The following FRMD4A variants were observed in gnomAD, a reference collection of about 807,000 sequenced individuals.
FRMD4A encodes FERM domain-containing protein 4A.
In FRMD4A, 29 loss-of-function variants were observed where a neutral mutation model predicts 129.1. That is an observed-to-expected ratio of 0.22 (90% CI 0.17 to 0.31). FRMD4A has a LOEUF of 0.31. Ranked by LOEUF, FRMD4A falls within the 10% of genes least tolerant of loss-of-function variation. The pLI, the probability that FRMD4A is intolerant of heterozygous loss-of-function variation, is 1.00. For missense variants in FRMD4A, 1,272 were observed against 1,375.8 expected (o/e 0.92, Z 1.19); for synonymous variants, 634 against 571.6 (o/e 1.11, Z -1.56).
intron 3 of FRMD4A, among the ~76,000 whole-genome samples, chr10:13,817,540 C>A (rs1285448806): frequency 6.6e-6 from 1 of 152,140 alleles, no homozygotes; most frequent in Non-Finnish European, 1.5e-5. Flanking sequence ...GTGTCAAGGG[C>A]GAGGCCAGGT....
chr10:14,202,245 T>C (rs951268666), intron 2 of FRMD4A, among the ~76,000 whole-genome samples: 17 of 152,130 alleles, frequency 1.1e-4, no homozygotes, highest in Non-Finnish European at 4.4e-5. Context: ...GGCAGAAGCC[T>C]TCCTGTCTGT....
intron 2 of FRMD4A, among the ~76,000 whole-genome samples, chr10:14,231,619 T>C (rs1843643506): frequency 6.6e-6 from 1 of 152,234 alleles, no homozygotes; most frequent in Admixed American, 6.5e-5. Context: ...GTGCTGGGAT[T>C]ACAGGCGTGA....
At chr10:13,749,499 C>T (rs1178620776) in intron 8 of FRMD4A, among the ~76,000 whole-genome samples, 1 of 152,140 alleles carries the variant, frequency 6.6e-6, no homozygotes, top group East Asian at 1.9e-4. Flanking sequence ...CTGGAGGATG[C>T]ATTGTTCCCT....
chr10:13,737,879 G>T lies in FRMD4A; in HGVS notation c.724C>A (p.Gln242Lys). 6.2e-7 allele frequency: 1 copy of T among 1,607,824 alleles called. No homozygotes were observed. The highest frequency in any genetic ancestry group is 8.5e-7 in the Non-Finnish European group (1 of 1,174,522). ...WLGLSYKGIF[Q>K]YDYHDKVKPR... The stretch of plus-strand genomic sequence containing the variant: ...TTCACTTTATCATGGTAGTCATACT[G>T]GAAGATCCCTTTGTAGCTCAGGCCC... The change falls in exon 12 of 25, where the codon CAG becomes AAG. Residue 242 changes from glutamine to lysine, a missense_variant. By Grantham distance (53) the Gln-to-Lys change is moderately conservative (BLOSUM62 1). This residue lies in a region of FRMD4A where 300 missense variants were observed against 483.6 expected (regional missense o/e 0.62). Coordinates refer to ENST00000357447, the MANE Select transcript of FRMD4A (RefSeq NM_018027.5).
intron 2 of FRMD4A, among the ~76,000 whole-genome samples, chr10:14,004,077 A>G (rs898010237): frequency 1.3e-5 from 2 of 152,246 alleles, no homozygotes; most frequent in Non-Finnish European, 2.9e-5. Flanking sequence ...ACGTGTAGTC[A>G]GTTAGAAAAA....
intron 2 of FRMD4A, among the ~76,000 whole-genome samples, chr10:13,887,430 C>T (rs1475917364): frequency 6.6e-6 from 1 of 152,152 alleles, no homozygotes; most frequent in Non-Finnish European, 1.5e-5. Context: ...CCTGTAATCC[C>T]AGCACTTTGG....
chr10:13,941,750 G>C (rs188025379), intron 2 of FRMD4A, among the ~76,000 whole-genome samples: 71 of 152,138 alleles, frequency 4.7e-4, no homozygotes, highest in Non-Finnish European at 6.5e-4. Flanking sequence ...GCTAAACAAG[G>C]CTCCTAAAAA....
chr10:13,898,126 A>T (rs2094779448), intron 2 of FRMD4A, among the ~76,000 whole-genome samples: 1 of 152,040 alleles, frequency 6.6e-6, no homozygotes, highest in Non-Finnish European at 1.5e-5. Flanking sequence ...TAATCCCAGC[A>T]CTTTGGGAGG....
At chr10:14,094,504 A>G (rs537204687) in intron 2 of FRMD4A, among the ~76,000 whole-genome samples, 5 of 152,166 alleles carry the variant, frequency 3.3e-5, no homozygotes, top group Non-Finnish European at 7.3e-5. Flanking sequence ...TCTCCTTTCA[A>G]ACGCAGAGCA....
At chr10:13,866,396 G>A (rs976433639) in intron 2 of FRMD4A, 1 of 325,860 alleles carries the variant, frequency 3.1e-6, no homozygotes, top group African/African-American at 2.2e-5. Flanking sequence ...AAATTCCAAG[G>A]CCATGACTAC....
intron 2 of FRMD4A, among the ~76,000 whole-genome samples, chr10:14,162,851 G>A (rs1840980281): frequency 6.6e-6 from 1 of 152,028 alleles, no homozygotes; most frequent in South Asian, 2.1e-4. Context: ...TTACCCAAGA[G>A]CAATGCATGA....
chr10:13,940,665 G>A (rs2095284508), intron 2 of FRMD4A, among the ~76,000 whole-genome samples: 1 of 152,188 alleles, frequency 6.6e-6, no homozygotes, highest in Admixed American at 6.5e-5. Context: ...GATTCTGAAA[G>A]GATTGAGGAA....
chr10:14,240,688 C>T (rs913056608), intron 2 of FRMD4A, among the ~76,000 whole-genome samples: 21 of 152,158 alleles, frequency 1.4e-4, no homozygotes, highest in African/African-American at 4.3e-4. Context: ...AACTGCCATT[C>T]GGAAGCTATT....
intron 2 of FRMD4A, among the ~76,000 whole-genome samples, chr10:14,189,959 C>G (rs770453083): frequency 2.6e-5 from 4 of 152,212 alleles, no homozygotes; most frequent in Admixed American, 2.6e-4. Context: ...ATAGGGCGCT[C>G]TCTGACTCTA....
At chr10:13,898,510 ATAAAT>A (rs2094783720) in intron 2 of FRMD4A, among the ~76,000 whole-genome samples, 1 of 152,258 alleles carries the variant, frequency 6.6e-6, no homozygotes. Flanking sequence ...GTTTAGAGAA[ATAAAT>A]TAATGTGATT....
intron 2 of FRMD4A, among the ~76,000 whole-genome samples, chr10:14,056,412 T>A (rs548746334): frequency 3.4e-5 from 5 of 149,188 alleles, no homozygotes; most frequent in East Asian, 2.0e-4. Context: ...GAAAAAAAAA[T>A]TTAAAGTTTT....
At chr10:13,721,504 CTTA>C (rs1268005825) in intron 12 of FRMD4A, among the ~76,000 whole-genome samples, 1 of 151,994 alleles carries the variant, frequency 6.6e-6, no homozygotes, top group Non-Finnish European at 1.5e-5. Context: ...CTCGATAAGA[CTTA>C]TTATTTAAAA....
intron 2 of FRMD4A, among the ~76,000 whole-genome samples, chr10:14,272,955 C>T (rs1215140984): frequency 6.6e-6 from 1 of 152,088 alleles, no homozygotes; most frequent in Admixed American, 6.5e-5. Flanking sequence ...GTGGCCTGCA[C>T]CTGTAGTCCC....
chr10:13,874,268 A>AAAAG (rs2094468616), intron 2 of FRMD4A, among the ~76,000 whole-genome samples: 1 of 143,908 alleles, frequency 6.9e-6, no homozygotes, highest in Non-Finnish European at 1.5e-5. Flanking sequence ...AAAAAAAAAA[A>AAAAG]GAGGAATTGC....
Sources: gnomAD v4.1 joint callset for allele counts (sites outside exome capture counted in the v4.1 genomes callset) on GRCh38, gnomAD v4.1.1 for gene constraint, gnomAD v4.1.1 regional missense constraint, MANE v1.5 for transcripts, NCBI Gene and HGNC (gene_info 2026-07-23, HGNC 2026-07-21) for gene names.